Variants in XPO6 observed in about 807,000 individuals in gnomAD.
The protein encoded by XPO6 is exportin 6.
A neutral mutation model predicts 130.0 loss-of-function variants in XPO6; 3 were observed. The observed-to-expected ratio is 0.02, with a 90% CI of 0.01 to 0.06. The LOEUF is 0.06. Among genes scored for constraint, XPO6 ranks in the 10% least tolerant of loss-of-function variants. The pLI, the probability that XPO6 is intolerant of heterozygous loss-of-function variation, is 1.00. For synonymous variants in XPO6, 524 were observed against 548.9 expected (o/e 0.95, Z 0.63); for missense variants, 970 against 1,393.0 (o/e 0.70, Z 4.83).
chr16:28,162,837 C>T (rs1034834978), intron 6 of XPO6, among the ~76,000 whole-genome samples: 1 of 152,100 alleles, frequency 6.6e-6, no homozygotes, highest in East Asian at 1.9e-4. Flanking sequence ...ATTTACAGGC[C>T]TAAGCCACCA....
chr16:28,140,405 C>T (rs991994868), intron 9 of XPO6, among the ~76,000 whole-genome samples: 6 of 151,920 alleles, frequency 3.9e-5, no homozygotes, highest in African/African-American at 9.7e-5. Flanking sequence ...GATAGCCGGG[C>T]GTGGTGGCTC....
At chr16:28,211,272 T>A in intron 1 of XPO6, 94 bp downstream of exon 1, 1 of 1,232,432 alleles carries the variant, frequency 8.1e-7, no homozygotes, top group Non-Finnish European at 1.0e-6. Flanking sequence ...CTCCCCGCCA[T>A]GGGGAGAGCA....
At chr16:28,152,360 A>C (rs1316068198) in intron 8 of XPO6, among the ~76,000 whole-genome samples, 1 of 152,216 alleles carries the variant, frequency 6.6e-6, no homozygotes, top group Non-Finnish European at 1.5e-5. Context: ...CTTTGTTCAC[A>C]TAATAGTGGT....
At chr16:28,141,697 A>G (rs1460352540) in intron 9 of XPO6, among the ~76,000 whole-genome samples, 1 of 152,118 alleles carries the variant, frequency 6.6e-6, no homozygotes, top group Admixed American at 6.5e-5. Flanking sequence ...AATTCCTCTC[A>G]CACCTGTAAT....
chr16:28,123,178 C>A (rs75529424), intron 13 of XPO6, among the ~76,000 whole-genome samples: 1 of 152,122 alleles, frequency 6.6e-6, no homozygotes, highest in African/African-American at 2.4e-5. Context: ...TCTTGGCTCA[C>A]TGCAGCCTAG....
chr16:28,153,508 TCA>T (rs913240776), intron 7 of XPO6: 99 of 985,404 alleles, frequency 1.0e-4, no homozygotes, highest in South Asian at 4.7e-4. Flanking sequence ...TCTTTTCACT[TCA>T]CAGTGAATCC....
intron 1 of XPO6, among the ~76,000 whole-genome samples, chr16:28,191,229 G>A (rs149251351): frequency 2.0e-5 from 3 of 152,186 alleles, no homozygotes; most frequent in African/African-American, 2.4e-5. Context: ...TATCCACTAG[G>A]AGCTAAAATA....
At chr16:28,144,156 T>C (rs1327300229) in intron 9 of XPO6, among the ~76,000 whole-genome samples, 1 of 152,202 alleles carries the variant, frequency 6.6e-6, no homozygotes, top group Non-Finnish European at 1.5e-5. Context: ...TTACTTAAAG[T>C]TGGCAACTTC....
At chr16:28,182,265 C>T (rs916345236) in intron 1 of XPO6, among the ~76,000 whole-genome samples, 3 of 152,144 alleles carry the variant, frequency 2.0e-5, no homozygotes, top group Non-Finnish European at 4.4e-5. Context: ...CAGCGGCCTC[C>T]GTCGGGTGAT....
chr16:28,107,741 A>G, intron 17 of XPO6, 64 bp from the exon 18 acceptor site: 1 of 1,584,440 alleles, frequency 6.3e-7, no homozygotes, highest in Non-Finnish European at 8.6e-7. Flanking sequence ...AAGAGGAGAC[A>G]CAAGGGAGAG....
At chr16:28,130,274 C>T (rs548582660) in intron 12 of XPO6, among the ~76,000 whole-genome samples, 2 of 152,346 alleles carry the variant, frequency 1.3e-5, no homozygotes, top group African/African-American at 4.8e-5. Flanking sequence ...AGACAAGAAT[C>T]GCGGCTGGCG....
intron 10 of XPO6, among the ~76,000 whole-genome samples, chr16:28,134,816 T>C (rs1332300655): frequency 1.3e-5 from 2 of 152,180 alleles, no homozygotes; most frequent in Non-Finnish European, 2.9e-5. Context: ...CAGACTTCCT[T>C]TCATTCTAGC....
At position 28,181,036 on chromosome 16, in the gene XPO6, C is replaced by A. The variant is rs781430889; in HGVS notation, c.4-5G>T. ...GAGAGAGGCTTCTTCAGATGCCTAA[C>A]AAAGGAATTTGAAAAAAAATCAATA... On this transcript the variant is annotated splice_region_variant and splice_polypyrimidine_tract_variant and intron_variant, in intron 1 of 23. Coordinates refer to ENST00000304658, the MANE Select transcript of XPO6 (RefSeq NM_015171.4). 6.2e-7 allele frequency: 1 copy of A among 1,607,116 alleles called. No homozygotes were observed.
At chr16:28,142,683 G>A (rs572278213) in intron 9 of XPO6, among the ~76,000 whole-genome samples, 1 of 152,208 alleles carries the variant, frequency 6.6e-6, no homozygotes, top group African/African-American at 2.4e-5. Context: ...CAGTCCTCCT[G>A]CTTCAGCCTC....
In XPO6 at chr16:28,106,276, C is replaced by G; in HGVS notation, c.2613-62G>C. 9 of 1,607,024 alleles carry G rather than the reference C, an allele frequency of 5.6e-6. No individual in the cohort carries two copies. Among genetic ancestry groups the G allele is most frequent in the Non-Finnish European group, 7.7e-6 (9 of 1,174,856 alleles). On this transcript the variant is annotated intron_variant, in intron 19 of 23. Coordinates refer to ENST00000304658, the MANE Select transcript of XPO6 (RefSeq NM_015171.4). The surrounding 1 kb of genome is among the most constrained non-coding windows in gnomAD (Gnocchi z 4.2). Reference sequence around the variant, plus strand: ...GTTTCTCTGGGGGCCAGCATGAAAACCCATGCTGTGGCAAGTGCAGAACAG... The same window carrying G: ...GTTTCTCTGGGGGCCAGCATGAAAAGCCATGCTGTGGCAAGTGCAGAACAG...
In XPO6 at chr16:28,211,452, G is replaced by C. The variant is rs1191853305; in HGVS notation, c.-84C>G. 1.5e-6 allele frequency: 2 copies of C among 1,290,376 alleles called. No homozygotes were observed. The highest frequency in any genetic ancestry group is 3.3e-5 in the Admixed American group (1 of 30,268). The allele number at this position is 1,290,376 out of a possible 1,614,324, so 79.9% of individuals were successfully genotyped here. A position where few individuals can be genotyped will look rare whatever the true frequency, so the allele number is the denominator to read the frequency against. On this transcript the variant is annotated 5_prime_UTR_variant, in exon 1 of 24. Transcript: ENST00000304658. ...CTCGCACAGTTCAGGTCATGGTCCC[G>C]GCAGACTCGGGAAGTCCCCCACCCA...
At chr16:28,153,269 T>C (rs1447036780) in intron 7 of XPO6, 1 of 988,418 alleles carries the variant, frequency 1.0e-6, no homozygotes, top group Middle Eastern at 5.2e-4. Flanking sequence ...AATGGCCATT[T>C]TTCCCCCTTT....
At chr16:28,202,702 A>G (rs1225190570) in intron 1 of XPO6, among the ~76,000 whole-genome samples, 3 of 152,210 alleles carry the variant, frequency 2.0e-5, no homozygotes, top group Non-Finnish European at 2.9e-5. Context: ...TTTAACACAC[A>G]TTTAATTTGA....
At position 28,176,007 on chromosome 16, in the gene XPO6, T is replaced by C; in HGVS notation, c.296A>G (p.His99Arg). The change falls in exon 4 of 24, where the codon CAT becomes CGT. Residue 99 changes from histidine (H) to arginine (R), a missense_variant. By Grantham distance (29) the His-to-Arg change is conservative. This residue lies in a region of XPO6 where 936 missense variants were observed against 1,306.8 expected (regional missense o/e 0.72). Transcript: ENST00000304658. Reference protein sequence around the residue: ...SCLPKLLLAHHKTLPYFIRNK... With the variant: ...SCLPKLLLAHRKTLPYFIRNK... ...CCGGATAAAGTAAGGTAAGGTTTTA[T>C]GGTGAGCCAAAAGGAGTTTGGGCAG... 6.2e-7 allele frequency: 1 copy of C among 1,614,240 alleles called. No homozygotes were observed. Among genetic ancestry groups the C allele is most frequent in the Non-Finnish European group, 8.5e-7 (1 of 1,180,042 alleles).
Sources: allele counts gnomAD v4.1 joint callset (sites outside exome capture counted in the v4.1 genomes callset), GRCh38; gene constraint gnomAD v4.1.1; regional missense constraint gnomAD v4.1.1; non-coding constraint Gnocchi (gnomAD v3.1); transcripts MANE v1.5; gene names NCBI Gene and HGNC (gene_info 2026-07-23, HGNC 2026-07-21).